RNF157: variants seen among roughly 807,000 people sequenced by gnomAD.
RNF157 encodes E3 ubiquitin ligase RNF157.
A neutral mutation model predicts 88.3 loss-of-function variants in RNF157; 55 were observed. The observed-to-expected ratio is 0.62, with a 90% CI of 0.50 to 0.78. RNF157 has a LOEUF of 0.78. Among genes scored for constraint, RNF157 ranks in the 30% least tolerant of loss-of-function variants. The pLI is 0.00. For missense variants in RNF157, 788 were observed against 860.8 expected (o/e 0.92, Z 1.06); for synonymous variants, 334 against 341.2 (o/e 0.98, Z 0.23).
chr17:76,144,288 T>A lies in RNF157; in HGVS notation c.*947A>T, dbSNP rs1355846727. 6.6e-6 allele frequency: 1 copy of A among 151,690 alleles called. No individual in the cohort carries two copies. Among genetic ancestry groups the A allele is most frequent in the Non-Finnish European group, 1.5e-5 (1 of 67,972 alleles). 9.4% of individuals were successfully genotyped at this position (151,690 alleles called of 1,614,324 possible). On this transcript the variant is annotated 3_prime_UTR_variant, in exon 19 of 19. Transcript: ENST00000269391. The stretch of plus-strand genomic sequence containing the variant: ...GAGAAATGCTCCTTAAGGGAAATCA[T>A]CTTAACTGGGGGATTCTCAGATTCA...
chr17:76,215,042 C>T (rs1412940428), intron 1 of RNF157, among the ~76,000 whole-genome samples: 1 of 152,130 alleles, frequency 6.6e-6, no homozygotes, highest in Non-Finnish European at 1.5e-5. Flanking sequence ...TCATATACCC[C>T]ATTTCTGAAA....
intron 1 of RNF157, among the ~76,000 whole-genome samples, chr17:76,235,318 C>A (rs2070263152): frequency 6.6e-6 from 1 of 152,088 alleles, no homozygotes; most frequent in Non-Finnish European, 1.5e-5. Context: ...CTGCCTCAGC[C>A]TCCCGAGTAG....
intron 8 of RNF157, chr17:76,162,874 A>T (rs994134282): frequency 1.3e-5 from 5 of 372,214 alleles, no homozygotes; most frequent in African/African-American, 1.1e-4. Flanking sequence ...CACAAATACA[A>T]TAATAATACT....
chr17:76,227,386 G>A (rs551523756), intron 1 of RNF157, among the ~76,000 whole-genome samples: 42 of 151,904 alleles, frequency 2.8e-4, no homozygotes, highest in African/African-American at 8.9e-4. Context: ...TTCCCAAACT[G>A]CTGGGATTAC....
chr17:76,152,249 T>C, intron 18 of RNF157, 106 bp downstream of exon 18: 1 of 775,816 alleles, frequency 1.3e-6, no homozygotes, highest in Non-Finnish European at 2.3e-6. Context: ...CCAGGCCTTC[T>C]TGGCAGGAAC....
intron 2 of RNF157, among the ~76,000 whole-genome samples, chr17:76,185,770 A>C (rs1253254956): frequency 1.3e-5 from 2 of 152,018 alleles, no homozygotes; most frequent in East Asian, 3.9e-4. Context: ...CGCCCGGCCG[A>C]GATTACTCCT....
At chr17:76,205,849 G>A (rs918654228) in intron 2 of RNF157, among the ~76,000 whole-genome samples, 1 of 152,166 alleles carries the variant, frequency 6.6e-6, no homozygotes, top group African/African-American at 2.4e-5. Flanking sequence ...CAGAACACAC[G>A]AGAGGATACA....
At chr17:76,164,613 A>G in intron 8 of RNF157, 135 bp downstream of exon 8, 3 of 338,770 alleles carry the variant, frequency 8.9e-6, no homozygotes, top group Non-Finnish European at 1.5e-5. Flanking sequence ...TCTTTGATTA[A>G]AAAAAAAAAA....
chr17:76,230,866 GAGAGAGAGAGAGAAAGAGAA>G (rs1249880866), intron 1 of RNF157, among the ~76,000 whole-genome samples: 4 of 110,120 alleles, frequency 3.6e-5, no homozygotes, highest in African/African-American at 9.4e-5. Context: ...AAAAGAGAGA[GAGAGAGAGAGAGAAAGAGAA>G]AGAGAGAAAG....
intron 3 of RNF157, among the ~76,000 whole-genome samples, chr17:76,170,738 T>C (rs1283747398): frequency 1.3e-5 from 2 of 152,208 alleles, no homozygotes; most frequent in African/African-American, 4.8e-5. Context: ...TCAGCTTTTC[T>C]TTCTGCTAGT....
Position 76,162,782 on chromosome 17 carries a change from C to T in RNF157, c.721-159G>A, listed in dbSNP as rs186519951. 6.5e-4 allele frequency: 335 copies of T among 514,888 alleles called. 1 individual carries two copies. The highest frequency in any genetic ancestry group is 6.4e-3 in the African/African-American group (320 of 50,314). The allele number at this position is 514,888 out of a possible 1,614,324, so 31.9% of individuals were successfully genotyped here. ...GATAAGTAAAAGATGCTTTTATTTACTTATGTTTTCTCTTTGAGAGAAGAA... is the reference window on the plus strand; with the variant it reads ...GATAAGTAAAAGATGCTTTTATTTATTTATGTTTTCTCTTTGAGAGAAGAA... On this transcript the variant is annotated intron_variant, in intron 8 of 18. Transcript: ENST00000269391.
At chr17:76,164,070 C>G (rs1392075433) in intron 8 of RNF157, 1 of 152,286 alleles carries the variant, frequency 6.6e-6, no homozygotes, top group Non-Finnish European at 1.5e-5. Flanking sequence ...ACCCTGCCTC[C>G]TACCCAGCTG....
chr17:76,164,853 T>G, intron 7 of RNF157, 58 bp from the exon 8 acceptor site: 1 of 1,316,510 alleles, frequency 7.6e-7, no homozygotes, highest in African/African-American at 1.4e-5. Context: ...GCACCAGGTA[T>G]TCTTCTGTTA....
chr17:76,207,579 T>A (rs780005219), intron 2 of RNF157, among the ~76,000 whole-genome samples: 11 of 152,250 alleles, frequency 7.2e-5, no homozygotes, highest in Non-Finnish European at 1.2e-4. Context: ...TATAGCTTAA[T>A]ATAACAATTC....
chr17:76,180,118 A>G (rs1408820290), intron 2 of RNF157, among the ~76,000 whole-genome samples: 1 of 152,154 alleles, frequency 6.6e-6, no homozygotes, highest in African/African-American at 2.4e-5. Flanking sequence ...AAGCTTTCTG[A>G]TCTCTTACCT....
Position 76,240,267 on chromosome 17 carries a change from G to GGCCCC in RNF157, c.-32_-28dup. 1 of 1,114,464 alleles carries GGCCCC rather than the reference G, an allele frequency of 9.0e-7. No individual in the cohort carries two copies. Among genetic ancestry groups the GGCCCC allele is most frequent in the South Asian group, 3.8e-5 (1 of 26,142 alleles). 69.0% of individuals were successfully genotyped at this position (1,114,464 alleles called of 1,614,324 possible). On this transcript the variant is annotated 5_prime_UTR_variant, in exon 1 of 19. Transcript: ENST00000269391. This position sits in a 1 kb window ranked among gnomAD's most constrained non-coding sequence, Gnocchi z 4.4. ...GCCGCTGCGGCTGCAGCCCCGGCCC[G>GGCCCC]GCCCCGGTGCCCGCGCCGCCCTCCG...
At chr17:76,169,809 G>T (rs1229937904) in intron 3 of RNF157, among the ~76,000 whole-genome samples, 1 of 152,036 alleles carries the variant, frequency 6.6e-6, no homozygotes, top group Non-Finnish European at 1.5e-5. Context: ...TCGAACTCCT[G>T]ACCTCAAGTG....
intron 2 of RNF157, among the ~76,000 whole-genome samples, chr17:76,192,345 T>C (rs1292705798): frequency 6.6e-6 from 1 of 152,256 alleles, no homozygotes; most frequent in Non-Finnish European, 1.5e-5. Context: ...ACTATTTTTA[T>C]ACTTCATTTT....
rs745851878 is a variant in RNF157, at chr17:76,161,869, G to A, written c.926C>T (p.Ala309Val). The A allele has an allele frequency of 8.1e-5, 131 of 1,614,108 alleles. 1 individual carries two copies. The highest frequency in any genetic ancestry group is 1.0e-4 in the Non-Finnish European group (121 of 1,180,048). ...NTCADTLRYQ[A>V]NNCPICRLPF... ...CAGTCGGCAGATGGGGCAGTTGTTG[G>A]CCTGGTAGCGCAGCGTGTCTGCACA... Residue 309 changes from alanine to valine, a missense_variant, in exon 10 of 19, where the codon GCC becomes GTC. Ala to Val is a moderately conservative substitution (Grantham distance 64). Coordinates refer to ENST00000269391, the MANE Select transcript of RNF157 (RefSeq NM_052916.3). This position sits in a 1 kb window ranked among gnomAD's most constrained non-coding sequence, Gnocchi z 4.6.
Sources: gnomAD v4.1 joint callset for allele counts (sites outside exome capture counted in the v4.1 genomes callset) on GRCh38, gnomAD v4.1.1 for gene constraint, Gnocchi (gnomAD v3.1) non-coding constraint, MANE v1.5 for transcripts, NCBI Gene and HGNC (gene_info 2026-07-23, HGNC 2026-07-21) for gene names.